HPGDS: variants seen among roughly 807,000 people sequenced by gnomAD.
The protein encoded by HPGDS is GST class-sigma.
A neutral mutation model predicts 23.1 loss-of-function variants in HPGDS; 26 were observed. The ratio of observed to expected loss-of-function variants is 1.13; its 90% CI spans 0.83 to 1.56. The LOEUF (loss-of-function observed/expected upper bound fraction) is 1.56. Ranked by LOEUF, HPGDS falls within the 40% of genes most tolerant of loss-of-function variation. The pLI, the probability that HPGDS is intolerant of heterozygous loss-of-function variation, is 0.00. For missense variants in HPGDS, 268 were observed against 236.4 expected, an observed-to-expected ratio of 1.13 and a Z score of -0.88; for synonymous variants, 95 against 77.9, an observed-to-expected ratio of 1.22 and a Z score of -1.16.
At chr4:94,314,011 G>T (rs1426521109) in intron 3 of HPGDS, among the ~76,000 whole-genome samples, 2 of 152,124 alleles carry the variant, frequency 1.3e-5, no homozygotes, top group African/African-American at 4.8e-5. Context: ...GGACTTCTCT[G>T]CATTGGTTAT....
At chr4:94,325,357 C>T (rs1409636168) in intron 2 of HPGDS, among the ~76,000 whole-genome samples, 2 of 152,182 alleles carry the variant, frequency 1.3e-5, no homozygotes, top group Admixed American at 1.3e-4. Flanking sequence ...GTTTCTGCTG[C>T]CTTTTGTTCA....
At chr4:94,323,693 C>G (rs1756567360) in intron 2 of HPGDS, among the ~76,000 whole-genome samples, 5 of 152,264 alleles carry the variant, frequency 3.3e-5, no homozygotes, top group Admixed American at 2.6e-4. Context: ...ATACAGCACA[C>G]TGATGGGTCT....
chr4:94,316,576 T>C (rs1756402911), intron 3 of HPGDS, among the ~76,000 whole-genome samples: 1 of 152,236 alleles, frequency 6.6e-6, no homozygotes. Context: ...ATATTCTAGA[T>C]CCTTCTAGAT....
intron 3 of HPGDS, among the ~76,000 whole-genome samples, chr4:94,314,194 CT>C (rs1756343174): frequency 6.6e-6 from 1 of 152,178 alleles, no homozygotes; most frequent in Non-Finnish European, 1.5e-5. Context: ...AGCTGCGTTC[CT>C]TTGGAGGAGG....
intron 2 of HPGDS, among the ~76,000 whole-genome samples, chr4:94,321,249 CT>C (rs1756503041): frequency 1.3e-5 from 2 of 152,104 alleles, no homozygotes; most frequent in South Asian, 4.1e-4. Context: ...AATGCAGGCT[CT>C]TTTTTGGTTC....
chr4:94,339,993 T>A lies in HPGDS; in HGVS notation c.-10+2802A>T, dbSNP rs550537845. ...TGATGGTGAGGTCTCCCCAGCCATG[T>A]GGAACTGCAGTGCAGTGGCGCAATC... On this transcript the variant is annotated intron_variant, in intron 1 of 5. Transcript: ENST00000295256. 1.2e-4 allele frequency among the ~76,000 whole-genome samples: 19 copies of A among 152,282 alleles called. No homozygotes were observed. In the East Asian group the frequency reaches 3.5e-3, roughly 28 times the overall value.
chr4:94,341,467 C>T (rs1359415494), intron 1 of HPGDS, among the ~76,000 whole-genome samples: 4 of 151,910 alleles, frequency 2.6e-5, no homozygotes, highest in Admixed American at 2.0e-4. Context: ...AGACTTCAGC[C>T]GAAATATTTT....
intron 2 of HPGDS, among the ~76,000 whole-genome samples, chr4:94,327,432 T>A (rs1756654167): frequency 1.3e-5 from 2 of 152,088 alleles, no homozygotes; most frequent in Admixed American, 6.6e-5. Context: ...GATAATGTGC[T>A]TGGGTGCCAG....
intron 1 of HPGDS, among the ~76,000 whole-genome samples, chr4:94,340,791 T>TG (rs1006552478): frequency 2.7e-5 from 4 of 147,310 alleles, no homozygotes; most frequent in African/African-American, 5.0e-5. Context: ...CCAGAGTAGC[T>TG]GGGATTACAG....
intron 3 of HPGDS, among the ~76,000 whole-genome samples, chr4:94,316,477 A>C (rs1215717998): frequency 1.7e-5 from 1 of 60,354 alleles, no homozygotes; most frequent in Non-Finnish European, 3.5e-5. Flanking sequence ...ACAAATACAA[A>C]GTAACCACAA....
At chr4:94,311,064 C>A (rs1399009385) in intron 3 of HPGDS, among the ~76,000 whole-genome samples, 1 of 152,136 alleles carries the variant, frequency 6.6e-6, no homozygotes, top group Non-Finnish European at 1.5e-5. Context: ...TCTAAATATA[C>A]AATCATGTCA....
chr4:94,316,286 C>T (rs149545165), intron 3 of HPGDS, among the ~76,000 whole-genome samples: 62 of 152,256 alleles, frequency 4.1e-4, no homozygotes, highest in African/African-American at 8.2e-4. Context: ...ATATTGAGAA[C>T]GGCAAACTCT....
chr4:94,337,156 G>C (rs999148482), intron 1 of HPGDS, among the ~76,000 whole-genome samples: 1 of 151,816 alleles, frequency 6.6e-6, no homozygotes, highest in South Asian at 2.1e-4. Flanking sequence ...GTAGAGATGG[G>C]GTTTCACTTA....
At chr4:94,336,363 G>A (rs1721012507) in intron 1 of HPGDS, among the ~76,000 whole-genome samples, 1 of 152,128 alleles carries the variant, frequency 6.6e-6, no homozygotes, top group Admixed American at 6.5e-5. Flanking sequence ...CTATCTAGAA[G>A]CTCCCAGGTT....
intron 3 of HPGDS, among the ~76,000 whole-genome samples, chr4:94,309,184 A>G (rs920885195): frequency 2.3e-4 from 35 of 150,738 alleles, no homozygotes; most frequent in African/African-American, 7.3e-4. Flanking sequence ...GGTTTGTTAC[A>G]TATGTATACA....
intron 4 of HPGDS, chr4:94,303,880 T>G (rs1049894717): frequency 1.3e-5 from 2 of 152,146 alleles, no homozygotes; most frequent in African/African-American, 4.8e-5. Flanking sequence ...GACTTCTCCT[T>G]GAGCCCAGAT....
At chr4:94,342,211 G>A (rs927007392) in intron 1 of HPGDS, among the ~76,000 whole-genome samples, 2 of 151,624 alleles carry the variant, frequency 1.3e-5, no homozygotes, top group South Asian at 2.1e-4. Context: ...GCCAAAGCAA[G>A]AGGAATAACT....
rs144419616 is a variant in HPGDS at position 94,299,483 on chromosome 4, G to C, written c.597C>G (p.Leu199=). ...ACTTGAAGGCAACATGGATCAGCTAGAGTTTGGTTTGGGGCCTTCGTTTTA... is the reference window on the plus strand; with the variant it reads ...ACTTGAAGGCAACATGGATCAGCTACAGTTTGGTTTGGGGCCTTCGTTTTA... ...NWIKRRPQTK[L] The change falls in exon 6 of 6, where the codon CTC becomes CTG. Residue 199 remains leucine (L), a synonymous_variant. Coordinates refer to ENST00000295256, the MANE Select transcript of HPGDS (RefSeq NM_014485.3). 2.9e-3 allele frequency: 4,651 copies of C among 1,609,488 alleles called. 35 individuals are homozygous for C. The Middle Eastern group carries it at 0.042, about 15-fold the overall frequency.
intron 2 of HPGDS, among the ~76,000 whole-genome samples, chr4:94,323,080 A>C (rs571534424): frequency 1.4e-4 from 21 of 152,264 alleles, no homozygotes; most frequent in Non-Finnish European, 2.8e-4. Context: ...GTTTTGAGTG[A>C]GTTTCTTAAT....
Sources: gnomAD v4.1 joint callset for allele counts (sites outside exome capture counted in the v4.1 genomes callset) on GRCh38, gnomAD v4.1.1 for gene constraint, MANE v1.5 for transcripts, NCBI Gene and HGNC (gene_info 2026-07-23, HGNC 2026-07-21) for gene names.